ANKAR: variants seen among roughly 807,000 people sequenced by gnomAD.
The protein encoded by ANKAR is ankyrin and armadillo repeat-containing protein.
ANKAR carries 136 observed loss-of-function variants against 146.2 expected under a neutral mutation model. That is an observed-to-expected ratio of 0.93 (90% CI 0.81 to 1.07). The LOEUF is 1.07. ANKAR is among the 50% of genes least tolerant of loss of function. ANKAR has a pLI of 0.00. For synonymous variants in ANKAR, 500 were observed against 575.8 expected, an observed-to-expected ratio of 0.87 and a Z score of 1.88; for missense variants, 1,567 against 1,679.9, an observed-to-expected ratio of 0.93 and a Z score of 1.18.
intron 12 of ANKAR, among the ~76,000 whole-genome samples, chr2:189,725,510 C>A (rs767735718): frequency 6.6e-6 from 1 of 152,030 alleles, no homozygotes; most frequent in Non-Finnish European, 1.5e-5. Context: ...GTAATAAAAT[C>A]CTTTTTTTTA....
chr2:189,710,570 C>T (rs1353888140), intron 9 of ANKAR, among the ~76,000 whole-genome samples: 6 of 152,152 alleles, frequency 3.9e-5, no homozygotes, highest in Non-Finnish European at 7.3e-5. Context: ...GAGGCCAAGG[C>T]AAGTGGATTG....
intron 20 of ANKAR, among the ~76,000 whole-genome samples, chr2:189,742,555 T>A (rs548417271): frequency 1.6e-4 from 19 of 119,616 alleles, no homozygotes; most frequent in East Asian, 7.0e-4. Flanking sequence ...TAAAAAAAAA[T>A]TTTTTTAAAG....
At chr2:189,727,796 C>A in intron 12 of ANKAR, 60 bp from the exon 13 acceptor site, 1 of 1,555,188 alleles carries the variant, frequency 6.4e-7, no homozygotes, top group South Asian at 1.2e-5. Context: ...TGATATGCTG[C>A]ACTTTGATAT....
At chr2:189,730,624 C>A in intron 16 of ANKAR, 23 bp downstream of exon 16, 1 of 1,272,136 alleles carries the variant, frequency 7.9e-7, no homozygotes, top group Non-Finnish European at 1.1e-6. Context: ...ACATTGTTTT[C>A]TGATATGGTA....
At chr2:189,732,304 C>T (rs566970312) in intron 16 of ANKAR, among the ~76,000 whole-genome samples, 2 of 152,054 alleles carry the variant, frequency 1.3e-5, no homozygotes, top group African/African-American at 2.4e-5. Context: ...GGTTCCAGAA[C>T]TAGAGGAGGA....
chr2:189,729,695 C>CGTGCGTGTGTGTGTGTGTGTGT (rs1553528975), intron 15 of ANKAR, among the ~76,000 whole-genome samples: 5 of 94,254 alleles, frequency 5.3e-5, no homozygotes, highest in Admixed American at 2.4e-4. Context: ...ATCAGCTGTG[C>CGTGCGTGTGTGTGTGTGTGTGT]GTGTGTGTGT....
chr2:189,716,842 G>A (rs976734826), intron 10 of ANKAR, among the ~76,000 whole-genome samples: 16 of 151,856 alleles, frequency 1.1e-4, no homozygotes, highest in South Asian at 4.2e-4. Flanking sequence ...AATGGGGAAA[G>A]GATTCCCTAT....
At chr2:189,750,378 A>G (rs528506281), downstream of ANKAR, among the ~76,000 whole-genome samples, 1 of 152,296 alleles carries the variant, frequency 6.6e-6, no homozygotes, top group East Asian at 1.9e-4. Flanking sequence ...TAATTAAAAG[A>G]AAAAAACTAT....
At chr2:189,742,776 A>G (rs2043459847) in intron 20 of ANKAR, among the ~76,000 whole-genome samples, 1 of 151,614 alleles carries the variant, frequency 6.6e-6, no homozygotes, top group Non-Finnish European at 1.5e-5. Flanking sequence ...TCAGGGTTGC[A>G]TCCACTACCT....
chr2:189,732,827 T>A (rs1353173495), intron 16 of ANKAR, among the ~76,000 whole-genome samples: 1 of 152,166 alleles, frequency 6.6e-6, no homozygotes, highest in Admixed American at 6.6e-5. Flanking sequence ...AATACCTCCT[T>A]ACATGCTCTG....
intron 2 of ANKAR, among the ~76,000 whole-genome samples, chr2:189,686,041 C>A (rs922660380): frequency 2.6e-5 from 4 of 152,154 alleles, no homozygotes; most frequent in Admixed American, 1.3e-4. Context: ...CCAGCCACCC[C>A]AAGCCATGAG....
At chr2:189,699,059 G>T (rs2037679005) in intron 7 of ANKAR, among the ~76,000 whole-genome samples, 1 of 152,092 alleles carries the variant, frequency 6.6e-6, no homozygotes. Flanking sequence ...ACAAGGATTT[G>T]GTCTGTTTTG....
intron 12 of ANKAR, among the ~76,000 whole-genome samples, chr2:189,726,393 C>A (rs2041879956): frequency 1.3e-5 from 2 of 152,070 alleles, no homozygotes; most frequent in African/African-American, 4.8e-5. Flanking sequence ...GCAGTCCTCC[C>A]ACCTTAGCCT....
chr2:189,755,284 T>G (rs781750325), intron 18 of ANKAR: 7 of 1,613,224 alleles, frequency 4.3e-6, no homozygotes, highest in Non-Finnish European at 5.9e-6. Flanking sequence ...TCAAAAGAAC[T>G]AAAAAAGGAA....
chr2:189,705,292 A>T, intron 8 of ANKAR, 68 bp downstream of exon 8: 1 of 1,474,946 alleles, frequency 6.8e-7, no homozygotes, highest in East Asian at 2.3e-5. Context: ...AAAAGAAGAA[A>T]GAAAATTAAA....
In ANKAR at chr2:189,705,121, G is replaced by A. The variant is rs758982317; in HGVS notation, c.1807G>A (p.Gly603Ser). The change falls in exon 8 of 23, where the codon GGC (glycine) becomes AGC (serine). Residue 603 changes from glycine (G) to serine (S), a missense_variant. Gly to Ser is a moderately conservative substitution (Grantham distance 56). Coordinates refer to ENST00000684021, the MANE Select transcript of ANKAR (RefSeq NM_001378068.1). Reference protein sequence around the residue: ...KADYTLSEKRGWMPIHFAAFY... With the variant: ...KADYTLSEKRSWMPIHFAAFY... ...TGATTACACGCTTTCTGAAAAAAGAGGCTGGATGCCGATTCACTTTGCCGC... is the reference window on the plus strand; with the variant it reads ...TGATTACACGCTTTCTGAAAAAAGAAGCTGGATGCCGATTCACTTTGCCGC... 6 of 1,614,086 alleles carry A rather than the reference G, an allele frequency of 3.7e-6. No homozygotes were observed. The East Asian group carries it at 8.9e-5, about 24-fold the overall frequency.
At chr2:189,760,251 C>A (rs750131788) in intron 18 of ANKAR, among the ~76,000 whole-genome samples, 1 of 152,158 alleles carries the variant, frequency 6.6e-6, no homozygotes, top group Non-Finnish European at 1.5e-5. Context: ...CATCATGGCC[C>A]GTTCTCAATG....
At chr2:189,739,898 A>G (rs910055390) in intron 19 of ANKAR, among the ~76,000 whole-genome samples, 3 of 152,178 alleles carry the variant, frequency 2.0e-5, no homozygotes, top group African/African-American at 7.2e-5. Context: ...GCCATATTAC[A>G]TTGGCTTTCA....
At chr2:189,761,669 G>C (rs767166388), downstream of ANKAR, 1 of 1,496,132 alleles carries the variant, frequency 6.7e-7, no homozygotes, top group East Asian at 2.4e-5. Context: ...TCCTGAAAAA[G>C]AATTACAGAA....
Sources: allele counts gnomAD v4.1 joint callset (sites outside exome capture counted in the v4.1 genomes callset), GRCh38; gene constraint gnomAD v4.1.1; transcripts MANE v1.5; gene names NCBI Gene and HGNC (gene_info 2026-07-23, HGNC 2026-07-21).